The following TPM3 variants were observed in gnomAD, a reference collection of about 807,000 sequenced individuals.
The protein encoded by TPM3 is tropomyosin 3, also known as tropomyosin alpha-3 chain.
TPM3 carries 16 observed loss-of-function variants against 43.1 expected under a neutral mutation model. The ratio of observed to expected loss-of-function variants is 0.37; its 90% CI spans 0.25 to 0.56. TPM3 has a LOEUF of 0.56. TPM3 is among the 20% of genes least tolerant of loss of function. The probability of loss-of-function intolerance (pLI) is 0.77; values close to 1 mark genes in which losing one functional copy is unlikely to be tolerated. For missense variants in TPM3, 176 were observed against 337.2 expected (o/e 0.52, Z 3.74); for synonymous variants, 101 against 116.9 (o/e 0.86, Z 0.88).
intron 2 of TPM3, among the ~76,000 whole-genome samples, chr1:154,185,466 G>A (rs572765598): frequency 5.3e-5 from 8 of 149,930 alleles, no homozygotes; most frequent in South Asian, 4.2e-4. Context: ...GGTGGATCAC[G>A]AGGTCAGGAG....
In TPM3 at chr1:154,165,789, C is replaced by CAAAAAAAAAAAAAA. The variant is rs68185418; in HGVS notation, c.*2134_*2147dup. ...AGGTGACAAGAGTCAAACTCCGTCTCAAAAAAAAAAAAAAAAAGAAAAAAA... is the reference window on the plus strand; with the variant it reads ...AGGTGACAAGAGTCAAACTCCGTCTCAAAAAAAAAAAAAAAAAAAAAAAAAAAAAAAGAAAAAAA... On this transcript the variant is annotated 3_prime_UTR_variant, in exon 10 of 10. Coordinates refer to ENST00000651641, the MANE Select transcript of TPM3 (RefSeq NM_152263.4). 1.2e-5 allele frequency among the ~76,000 whole-genome samples: 1 copy of CAAAAAAAAAAAAAA among 82,228 alleles called. No homozygotes were observed. The highest frequency in any genetic ancestry group is 2.7e-5 in the Non-Finnish European group (1 of 37,532). 53.9% of individuals were successfully genotyped at this position (82,228 alleles called of 152,430 possible). A position where few individuals can be genotyped will look rare whatever the true frequency, so the allele number is the denominator to read the frequency against.
chr1:154,172,040 C>T (rs1301811028), intron 5 of TPM3: 2 of 1,614,058 alleles, frequency 1.2e-6, no homozygotes, highest in Non-Finnish European at 1.7e-6. Flanking sequence ...TTTTCTTCAG[C>T]AGCACTCAGA....
chr1:154,167,630 T>C lies in TPM3; in HGVS notation c.*307A>G. The C allele has an allele frequency of 1.6e-6, 2 of 1,254,646 alleles. No individual in the cohort carries two copies. The highest frequency in any genetic ancestry group is 2.0e-6 in the Non-Finnish European group (2 of 990,408). 77.7% of individuals were successfully genotyped at this position (1,254,646 alleles called of 1,614,324 possible). A position where few individuals can be genotyped will look rare whatever the true frequency, so the allele number is the denominator to read the frequency against. ...AGACACACACAAAAGTGGCTTTGATTACATAAGTCAGAGGAGGGGGAGCCT... is the reference window on the plus strand; with the variant it reads ...AGACACACACAAAAGTGGCTTTGATCACATAAGTCAGAGGAGGGGGAGCCT... On this transcript the variant is annotated 3_prime_UTR_variant, in exon 10 of 10. Coordinates refer to ENST00000651641, the MANE Select transcript of TPM3 (RefSeq NM_152263.4).
intron 5 of TPM3, chr1:154,171,797 A>G (rs1447664881): frequency 1.6e-5 from 10 of 637,986 alleles, no homozygotes; most frequent in Non-Finnish European, 2.8e-5. Context: ...TGCCCAACCC[A>G]AACAGTCCCC....
intron 2 of TPM3, among the ~76,000 whole-genome samples, chr1:154,178,606 C>A (rs1395795998): frequency 6.6e-6 from 1 of 152,198 alleles, no homozygotes; most frequent in Non-Finnish European, 1.5e-5. Flanking sequence ...CAGTGCCTGT[C>A]CCTTTCAGGT....
intron 9 of TPM3, among the ~76,000 whole-genome samples, chr1:154,168,906 C>T (rs937150002): frequency 6.6e-6 from 1 of 151,192 alleles, no homozygotes; most frequent in South Asian, 2.1e-4. Flanking sequence ...CACATCTTGG[C>T]TCACTGTAAC....
rs185765815 is a variant in TPM3, at chr1:154,162,779, A to G, written c.*5158T>C. ...CTAATTACATAGTACTTCATTGTCC[A>G]CTTTGGTACCCCAGTTTGTTGGTCT... On this transcript the variant is annotated 3_prime_UTR_variant, in exon 10 of 10. Transcript: ENST00000651641. Among the ~76,000 whole-genome samples, 256 of 152,344 alleles carry G rather than the reference A, an allele frequency of 1.7e-3. 3 individuals carry two copies. The highest frequency in any genetic ancestry group is 2.9e-3 in the Non-Finnish European group (198 of 68,036).
At chr1:154,179,498 C>T (rs141225884) in intron 2 of TPM3, among the ~76,000 whole-genome samples, 2 of 152,214 alleles carry the variant, frequency 1.3e-5, no homozygotes. Context: ...TCAAAGCCCA[C>T]TCCCTCGGTA....
chr1:154,166,690 T>C lies in TPM3; in HGVS notation c.*1247A>G, dbSNP rs1301966935. 1 of 368,494 alleles carries C rather than the reference T, an allele frequency of 2.7e-6. No individual in the cohort carries two copies. Among genetic ancestry groups the C allele is most frequent in the Non-Finnish European group, 3.1e-6 (1 of 317,560 alleles). The allele number at this position is 368,494 out of a possible 1,614,324, so 22.8% of individuals were successfully genotyped here. Reference sequence around the variant, plus strand: ...CTGTGTAAATTGGAATGCGAATTCCTTTTTTTTTTTTGAGATGGAGTCTCT... The same window carrying C: ...CTGTGTAAATTGGAATGCGAATTCCCTTTTTTTTTTTGAGATGGAGTCTCT... On this transcript the variant is annotated 3_prime_UTR_variant, in exon 10 of 10. Transcript: ENST00000651641.
chr1:154,189,820 AG>A (rs1274568562), intron 2 of TPM3, among the ~76,000 whole-genome samples: 7 of 150,616 alleles, frequency 4.6e-5, no homozygotes, highest in Non-Finnish European at 4.4e-5. Flanking sequence ...AAAAAAAAAA[AG>A]GAAAAGAAAA....
At chr1:154,170,221 A>G in intron 8 of TPM3, 179 bp downstream of exon 8, 1 of 654,566 alleles carries the variant, frequency 1.5e-6, no homozygotes, top group East Asian at 2.8e-5. Context: ...ATTAAATTTA[A>G]AAAACCAATT....
Position 154,171,545 on chromosome 1 carries a change from A to G in TPM3, c.567-57T>C, listed in dbSNP as rs961746410. On this transcript the variant is annotated intron_variant, in intron 5 of 9. Transcript: ENST00000651641. ...AAAGGGAAAAGGAAGAGAATAAAAA[A>G]AGGGAGAGAGACACATAGACGTGAA... 7.1e-5 allele frequency: 112 copies of G among 1,581,400 alleles called. 1 individual carries two copies. In the East Asian group the frequency reaches 2.4e-3, roughly 34 times the overall value.
chr1:154,176,493 C>A (rs1403198962), intron 2 of TPM3, among the ~76,000 whole-genome samples: 2 of 151,894 alleles, frequency 1.3e-5, no homozygotes. Context: ...AGTTCCTTGC[C>A]CAGCCCAGTG....
chr1:154,170,731 A>T lies in TPM3; in HGVS notation c.643-20T>A, dbSNP rs1571397718. On this transcript the variant is annotated intron_variant, in intron 6 of 9. Transcript: ENST00000651641. ...AGAGTACTGTAAGATAAGTAGATTAAAAATTTCAGAGTAGAAATTAGTCAC... is the reference window on the plus strand; with the variant it reads ...AGAGTACTGTAAGATAAGTAGATTATAAATTTCAGAGTAGAAATTAGTCAC... The T allele has an allele frequency of 6.4e-7, 1 of 1,561,482 alleles. No homozygotes were observed. Among genetic ancestry groups the T allele is most frequent in the Non-Finnish European group, 8.8e-7 (1 of 1,135,488 alleles).
chr1:154,188,286 C>A (rs1663500754), intron 2 of TPM3, among the ~76,000 whole-genome samples: 1 of 151,608 alleles, frequency 6.6e-6, no homozygotes, highest in African/African-American at 2.4e-5. Flanking sequence ...GAACTCCTGG[C>A]CTCAGGCGAT....
downstream of TPM3, chr1:154,158,965 C>T (rs372150533): frequency 1.3e-6 from 1 of 780,238 alleles, no homozygotes; most frequent in African/African-American, 1.7e-5. Flanking sequence ...TTGAGCCCTG[C>T]CCATCAGTCA....
downstream of TPM3, chr1:154,159,120 G>A (rs988605220): frequency 3.9e-6 from 3 of 766,690 alleles, no homozygotes; most frequent in African/African-American, 5.1e-5. Flanking sequence ...GAGAAAAAGG[G>A]AAAGTTAGTA....
chr1:154,173,070 A>C lies in TPM3; in HGVS notation c.495+14T>G, dbSNP rs1661788192. On this transcript the variant is annotated intron_variant, in intron 4 of 9. Transcript: ENST00000651641. The stretch of plus-strand genomic sequence containing the variant: ...AAAGGCCGATACGAGAGGGACTAAC[A>C]GAAGGTCACTTACCTCTTCATACTT... The C allele has an allele frequency of 6.2e-7, 1 of 1,613,966 alleles. No homozygotes were observed. The highest frequency in any genetic ancestry group is 1.1e-5 in the South Asian group (1 of 91,080).
At chr1:154,176,398 C>CTTTTATATATATATATTT in intron 2 of TPM3, 150 bp from the exon 3 acceptor site, 2 of 1,075,892 alleles carry the variant, frequency 1.9e-6, no homozygotes, top group South Asian at 2.7e-5. Context: ...AAAGATCTAG[C>CTTTTATATATATATATTT]AGACATAACT....
Sources: allele counts gnomAD v4.1 joint callset (sites outside exome capture counted in the v4.1 genomes callset), GRCh38; gene constraint gnomAD v4.1.1; transcripts MANE v1.5; gene names NCBI Gene and HGNC (gene_info 2026-07-23, HGNC 2026-07-21).